Variants in ECPAS observed in about 807,000 individuals in gnomAD.
The protein encoded by ECPAS is Ecm29 proteasome adaptor and scaffold, also known as proteasome adapter and scaffold protein ECM29.
In ECPAS, 70 loss-of-function variants were observed where a neutral mutation model predicts 255.1. That is an observed-to-expected ratio of 0.27 (90% CI 0.23 to 0.33). The LOEUF (loss-of-function observed/expected upper bound fraction) is 0.33, where lower values mean the gene tolerates loss of function less well. Among genes scored for constraint, ECPAS ranks in the 10% least tolerant of loss-of-function variants. The probability of loss-of-function intolerance (pLI) is 1.00; values close to 1 mark genes in which losing one functional copy is unlikely to be tolerated. For missense variants in ECPAS, 1,817 were observed against 2,206.4 expected, an observed-to-expected ratio of 0.82 and a Z score of 3.54; for synonymous variants, 784 against 775.0, an observed-to-expected ratio of 1.01 and a Z score of -0.19.
chr9:111,394,240 G>C lies in ECPAS; in HGVS notation c.2842C>G (p.Pro948Ala). 6.2e-7 allele frequency: 1 copy of C among 1,605,378 alleles called. No individual in the cohort carries two copies. The highest frequency in any genetic ancestry group is 8.5e-7 in the Non-Finnish European group (1 of 1,175,660). The change falls in exon 26 of 50, where the codon CCC becomes GCC. Residue 948 changes from proline (P) to alanine (A), a missense_variant. By Grantham distance (27) the Pro-to-Ala change is conservative (BLOSUM62 -1). Around this residue, in one of 4 missense-constraint regions of ECPAS, gnomAD observed 960 missense variants for 1,179.0 expected, o/e 0.81. Transcript: ENST00000684092. ...GCTGCTTGCCTCACGTGTGGGTTGG[G>C]GCTGATGATATGTTTATTTAAAATC... is the stretch of plus-strand genomic sequence containing the variant. ...DVILNKHIIS[P>A]NPHVRQAACI...
At chr9:111,413,113 G>A (rs533921087) in intron 20 of ECPAS, among the ~76,000 whole-genome samples, 37 of 152,120 alleles carry the variant, frequency 2.4e-4, no homozygotes, top group Non-Finnish European at 4.3e-4. Flanking sequence ...ACACACGGAG[G>A]GTGTGGCATT....
intron 3 of ECPAS, among the ~76,000 whole-genome samples, chr9:111,451,153 CAG>C (rs2098259807): frequency 1.3e-5 from 2 of 152,150 alleles, no homozygotes; most frequent in Non-Finnish European, 2.9e-5. Flanking sequence ...GCATGGATTT[CAG>C]ATCATGCCTC....
At chr9:111,460,995 C>T (rs570875708) in intron 2 of ECPAS, among the ~76,000 whole-genome samples, 2 of 151,966 alleles carry the variant, frequency 1.3e-5, no homozygotes, top group African/African-American at 2.4e-5. Context: ...AAGATACTAA[C>T]TATCTCAATC....
chr9:111,420,854 A>G (rs1360965866), intron 15 of ECPAS, among the ~76,000 whole-genome samples: 1 of 152,168 alleles, frequency 6.6e-6, no homozygotes, highest in Non-Finnish European at 1.5e-5. Flanking sequence ...TACATTAAAG[A>G]GTGAGGATAT....
At chr9:111,384,655 C>T (rs1170655255) in intron 33 of ECPAS, 86 bp from the exon 34 acceptor site, 1 of 1,185,194 alleles carries the variant, frequency 8.4e-7, no homozygotes, top group Non-Finnish European at 1.2e-6. Flanking sequence ...TTGCCTCAGG[C>T]CCTACAGAGA....
At chr9:111,483,769 C>G (rs1218694400) in intron 1 of ECPAS, 2 of 172,998 alleles carry the variant, frequency 1.2e-5, no homozygotes, top group East Asian at 1.9e-4. Context: ...CAGCCTCGCG[C>G]CTCTGCGGAG....
At chr9:111,423,542 G>A (rs1472873996) in intron 12 of ECPAS, among the ~76,000 whole-genome samples, 1 of 152,142 alleles carries the variant, frequency 6.6e-6, no homozygotes, top group African/African-American at 2.4e-5. Context: ...TCTCTTAGCT[G>A]GTGCTGAGTT....
intron 34 of ECPAS, among the ~76,000 whole-genome samples, chr9:111,383,849 C>T (rs12349294): frequency 0.28 from 42,996 of 151,902 alleles, 7,528 homozygotes; most frequent in Non-Finnish European, 0.4. Context: ...CTGACCCCGG[C>T]AGGTCGAGAC....
intron 24 of ECPAS, among the ~76,000 whole-genome samples, chr9:111,406,455 C>T (rs1476278486): frequency 6.7e-6 from 1 of 149,424 alleles, no homozygotes; most frequent in Non-Finnish European, 1.5e-5. Flanking sequence ...AACAGGGCAA[C>T]AATAGTTAAT....
Position 111,484,227 on chromosome 9 carries a change from C to T in ECPAS, c.-194G>A. The stretch of plus-strand genomic sequence containing the variant: ...GCCCCGGGGAGCCGCGCGCCGCAGT[C>T]CGTGAGGGGCTGGGCCGAGCGGGCC... On this transcript the variant is annotated 5_prime_UTR_variant, in exon 1 of 50. Transcript: ENST00000684092. 1.4e-6 allele frequency: 2 copies of T among 1,467,922 alleles called. No individual in the cohort carries two copies. Among genetic ancestry groups the T allele is most frequent in the Non-Finnish European group, 1.8e-6 (2 of 1,115,136 alleles). The allele number at this position is 1,467,922 out of a possible 1,614,324, so 90.9% of individuals were successfully genotyped here. A position where few individuals can be genotyped will look rare whatever the true frequency, so the allele number is the denominator to read the frequency against.
chr9:111,462,238 T>C (rs1409504838), intron 2 of ECPAS, among the ~76,000 whole-genome samples: 1 of 152,210 alleles, frequency 6.6e-6, no homozygotes, highest in African/African-American at 2.4e-5. Context: ...AAAAATATGA[T>C]TAGCAGAATC....
At chr9:111,475,617 T>C (rs2098295207) in intron 1 of ECPAS, among the ~76,000 whole-genome samples, 1 of 151,802 alleles carries the variant, frequency 6.6e-6, no homozygotes. Context: ...CGCCTTGTAG[T>C]CCCAGCTACT....
At chr9:111,365,943 G>A (rs2098119949) in intron 48 of ECPAS, 1 of 347,738 alleles carries the variant, frequency 2.9e-6, no homozygotes, top group African/African-American at 2.1e-5. Flanking sequence ...TATACATATT[G>A]CAGAGTATTA....
In ECPAS at chr9:111,463,291, CAT is replaced by C. The variant is rs1369166092; in HGVS notation, c.22+9604_22+9605del. Among the ~76,000 whole-genome samples, 3 of 152,314 alleles carry C rather than the reference CAT, an allele frequency of 2.0e-5. No individual in the cohort carries two copies. In the East Asian group the frequency reaches 5.8e-4, roughly 29 times the overall value. On this transcript the variant is annotated intron_variant, in intron 2 of 49. Coordinates refer to ENST00000684092, the MANE Select transcript of ECPAS (RefSeq NM_001364929.1). ...GTGGTGAAACTTCTGTGGTGAATCA[CAT>C]GTCTCTCACTGTGTCCCCAGCACTA...
chr9:111,390,608 G>A (rs1164242333), intron 29 of ECPAS, among the ~76,000 whole-genome samples: 1 of 152,170 alleles, frequency 6.6e-6, no homozygotes, highest in East Asian at 1.9e-4. Flanking sequence ...AGTCTACAAG[G>A]AGAGTTAAGT....
intron 1 of ECPAS, among the ~76,000 whole-genome samples, chr9:111,476,854 G>A (rs1430529992): frequency 6.6e-6 from 1 of 151,926 alleles, no homozygotes; most frequent in Admixed American, 6.6e-5. Flanking sequence ...GTAGAGACAG[G>A]GTTTCACAAT....
intron 35 of ECPAS, among the ~76,000 whole-genome samples, chr9:111,379,814 A>G (rs2098138282): frequency 6.6e-6 from 1 of 152,220 alleles, no homozygotes; most frequent in African/African-American, 2.4e-5. Context: ...CATCGATAAG[A>G]AGCAACTCCT....
intron 20 of ECPAS, among the ~76,000 whole-genome samples, chr9:111,412,513 C>G (rs959353118): frequency 1.3e-5 from 2 of 152,318 alleles, no homozygotes; most frequent in African/African-American, 4.8e-5. Context: ...ATGAGCGTGG[C>G]TGGGTTCCAG....
At chr9:111,390,599 G>A (rs1324521496) in intron 29 of ECPAS, among the ~76,000 whole-genome samples, 1 of 152,180 alleles carries the variant, frequency 6.6e-6, no homozygotes, top group African/African-American at 2.4e-5. Context: ...CTTAGAAGGA[G>A]TCTACAAGGA....
Sources: gnomAD v4.1 joint callset for allele counts (sites outside exome capture counted in the v4.1 genomes callset) on GRCh38, gnomAD v4.1.1 for gene constraint, gnomAD v4.1.1 regional missense constraint, MANE v1.5 for transcripts, NCBI Gene and HGNC (gene_info 2026-07-23, HGNC 2026-07-21) for gene names.